Variants in TBX15 observed in about 807,000 individuals in gnomAD.
TBX15 encodes the protein T-box transcription factor 15.
Under a neutral mutation model 53.9 loss-of-function variants are expected in TBX15, and 18 were observed. The observed-to-expected ratio is 0.33, with a 90% CI of 0.23 to 0.49. TBX15 has a LOEUF of 0.49. Ranked by LOEUF, TBX15 falls within the 20% of genes least tolerant of loss-of-function variation. The pLI, the probability that TBX15 is intolerant of heterozygous loss-of-function variation, is 0.98. For missense variants in TBX15, 692 were observed against 749.5 expected, an observed-to-expected ratio of 0.92 and a Z score of 0.90; for synonymous variants, 295 against 278.0, an observed-to-expected ratio of 1.06 and a Z score of -0.61.
At chr1:118,986,044 C>T (rs1464232297) in intron 1 of TBX15, among the ~76,000 whole-genome samples, 3 of 152,222 alleles carry the variant, frequency 2.0e-5, no homozygotes, top group African/African-American at 7.2e-5. Context: ...AGAAAACTTC[C>T]CCGGGACAGG....
chr1:118,933,445 C>G lies in TBX15; in HGVS notation c.206-1613G>C, dbSNP rs574877102. Among the ~76,000 whole-genome samples, 5 of 128,622 alleles carry G rather than the reference C, an allele frequency of 3.9e-5. No homozygotes were observed. The South Asian group carries it at 1.3e-3, about 32-fold the overall frequency. 84.4% of individuals were successfully genotyped at this position (128,622 alleles called of 152,430 possible). A position where few individuals can be genotyped will look rare whatever the true frequency, so the allele number is the denominator to read the frequency against. On this transcript the variant is annotated intron_variant, in intron 1 of 7. Transcript: ENST00000369429. ...TAGTCACTATCTTCATTCTCCCTCC[C>G]CCTCTGCCCCCCACCCACAAAAAAA...
intron 3 of TBX15, 48 bp downstream of exon 3, chr1:118,926,462 T>C: frequency 6.6e-7 from 1 of 1,513,608 alleles, no homozygotes. Flanking sequence ...AGAATTGTCT[T>C]GGAATGCTGG....
In TBX15 at chr1:118,987,878, G is replaced by C; in HGVS notation, c.-83C>G. ...CCCTCAAGCTCTGAGCGCCCACCGG[G>C]CCCGGCCCGGGAGAGGCGGAGGCGC... On this transcript the variant is annotated 5_prime_UTR_variant, in exon 1 of 8. Transcript: ENST00000369429. 6.6e-7 allele frequency: 1 copy of C among 1,509,414 alleles called. No individual in the cohort carries two copies. The highest frequency in any genetic ancestry group is 1.2e-5 in the South Asian group (1 of 81,534). 93.5% of individuals were successfully genotyped at this position (1,509,414 alleles called of 1,614,324 possible). A position where few individuals can be genotyped will look rare whatever the true frequency, so the allele number is the denominator to read the frequency against.
chr1:118,958,231 G>A (rs995067946), intron 1 of TBX15, among the ~76,000 whole-genome samples: 1 of 152,142 alleles, frequency 6.6e-6, no homozygotes, highest in Non-Finnish European at 1.5e-5. Context: ...CCTATAAGAA[G>A]AGGCAGCAGA....
intron 6 of TBX15, among the ~76,000 whole-genome samples, chr1:118,902,494 G>A (rs952801518): frequency 2.0e-5 from 3 of 152,120 alleles, no homozygotes; most frequent in Non-Finnish European, 2.9e-5. Flanking sequence ...CTTTATTGCT[G>A]AGTCATTCTT....
chr1:118,942,210 A>G (rs1404116159), intron 1 of TBX15, among the ~76,000 whole-genome samples: 1 of 152,172 alleles, frequency 6.6e-6, no homozygotes, highest in Non-Finnish European at 1.5e-5. Context: ...GGAAAAGGGA[A>G]TTTTCTGGCA....
chr1:118,902,192 T>C (rs551058566), intron 6 of TBX15, among the ~76,000 whole-genome samples: 1 of 152,278 alleles, frequency 6.6e-6, no homozygotes, highest in East Asian at 1.9e-4. Flanking sequence ...TGTATTGCTT[T>C]TTAGAAAAAT....
At chr1:118,986,997 TAC>T (rs1657862285) in intron 1 of TBX15, among the ~76,000 whole-genome samples, 2 of 152,310 alleles carry the variant, frequency 1.3e-5, no homozygotes, top group South Asian at 4.1e-4. Flanking sequence ...ACACCCTAAA[TAC>T]ACAGAGATGT....
chr1:118,938,537 G>A (rs1656039474), intron 1 of TBX15, among the ~76,000 whole-genome samples: 2 of 152,204 alleles, frequency 1.3e-5, no homozygotes, highest in African/African-American at 4.8e-5. Context: ...TGCCATTAAA[G>A]TTTCAACCTC....
At chr1:118,979,099 C>T (rs1311953039) in intron 1 of TBX15, among the ~76,000 whole-genome samples, 1 of 152,184 alleles carries the variant, frequency 6.6e-6, no homozygotes, top group African/African-American at 2.4e-5. Context: ...CAGGACTTCC[C>T]TCCAAAGGGA....
At chr1:118,955,347 A>AAACT (rs1320406076) in intron 1 of TBX15, among the ~76,000 whole-genome samples, 22 of 152,218 alleles carry the variant, frequency 1.4e-4, no homozygotes, top group Non-Finnish European at 5.9e-5. Flanking sequence ...TTATAAGATT[A>AAACT]AACTAACACA....
chr1:118,951,510 C>T (rs4659132), intron 1 of TBX15, among the ~76,000 whole-genome samples: 2 of 151,976 alleles, frequency 1.3e-5, no homozygotes, highest in African/African-American at 2.4e-5. Flanking sequence ...TATGTGGAGA[C>T]CCAGAACCCT....
chr1:118,923,363 A>G (rs1655488257), intron 5 of TBX15, 73 bp downstream of exon 5: 1 of 1,584,708 alleles, frequency 6.3e-7, no homozygotes. Flanking sequence ...GAAAGTAAAT[A>G]ATACCTAAGG....
In TBX15 at chr1:118,925,908, C is replaced by CT. The variant is rs5777376; in HGVS notation, c.521+601dup. Reference sequence around the variant, plus strand: ...CCTCAAGAGAAGAAATAAGCCACAACTTTTTTTTTTTCTGGCAAGAACTAT... The same window carrying CT: ...CCTCAAGAGAAGAAATAAGCCACAACTTTTTTTTTTTTCTGGCAAGAACTAT... On this transcript the variant is annotated intron_variant, in intron 3 of 7. Coordinates refer to ENST00000369429, the MANE Select transcript of TBX15 (RefSeq NM_001330677.2). 3.4e-3 allele frequency among the ~76,000 whole-genome samples: 508 copies of CT among 150,702 alleles called. 5 individuals carry two copies. Among genetic ancestry groups the CT allele is most frequent in the African/African-American group, 0.011 (469 of 41,108 alleles).
Position 118,923,527 on chromosome 1 carries a change from G to T in TBX15, c.770C>A (p.Pro257His), listed in dbSNP as rs753340888. Residue 257 changes from proline (P) to histidine (H), a missense_variant, in exon 5 of 8, where the codon CCC becomes CAC. This residue lies in a region of TBX15 where 307 missense variants were observed against 347.5 expected (regional missense o/e 0.88). Transcript: ENST00000369429. ...IRKDFSSDLS[P>H]TKPVPVGDGV... ...ATCCCCAACAGGAACAGGCTTAGTGGGTGAAAGGTCACTGCTGAAGTCTTT... is the reference window on the plus strand; with the variant it reads ...ATCCCCAACAGGAACAGGCTTAGTGTGTGAAAGGTCACTGCTGAAGTCTTT... 1 of 1,613,976 alleles carries T rather than the reference G, an allele frequency of 6.2e-7. No individual in the cohort carries two copies.
rs531162949 is a variant in TBX15, at chr1:118,925,661, C to T, written c.522-844G>A. 1.5e-3 allele frequency among the ~76,000 whole-genome samples: 231 copies of T among 152,264 alleles called. 3 individuals carry two copies. In the South Asian group the frequency reaches 0.016, roughly 11 times the overall value. On this transcript the variant is annotated intron_variant, in intron 3 of 7. Transcript: ENST00000369429. ...ACCCTGAGAAATAGAGGCACCCAGT[C>T]CAAATCACAACTCCCAAGATCCCCT...
chr1:118,934,347 C>CG (rs1319062779), intron 1 of TBX15, among the ~76,000 whole-genome samples: 1 of 151,994 alleles, frequency 6.6e-6, no homozygotes, highest in Non-Finnish European at 1.5e-5. Context: ...GGGAAAAGAC[C>CG]GGGGGCTCAG....
At chr1:118,935,736 C>G (rs1165171637) in intron 1 of TBX15, among the ~76,000 whole-genome samples, 8 of 152,176 alleles carry the variant, frequency 5.3e-5, no homozygotes, top group African/African-American at 1.9e-4. Flanking sequence ...TGCTGTAACA[C>G]TAAGTTCCCA....
chr1:118,884,800 T>C lies in TBX15; in HGVS notation c.1741A>G (p.Thr581Ala). Residue 581 changes from threonine to alanine, a missense_variant, in exon 8 of 8, where the codon ACT becomes GCT. This residue lies in a region of TBX15 where 375 missense variants were observed against 371.6 expected (regional missense o/e 1.01). Transcript: ENST00000369429. ...PSPNNQQATNTCDGRQYGAVP... is the reference protein window; with the variant it reads ...PSPNNQQATNACDGRQYGAVP... ...GCCCCATACTGCCGGCCATCACAAG[T>C]GTTGGTTGCCTGTTGGTTATTGGGT... 1 of 1,613,930 alleles carries C rather than the reference T, an allele frequency of 6.2e-7. No individual in the cohort carries two copies. The highest frequency in any genetic ancestry group is 8.5e-7 in the Non-Finnish European group (1 of 1,179,952).
Sources: gnomAD v4.1 joint callset for allele counts (sites outside exome capture counted in the v4.1 genomes callset) on GRCh38, gnomAD v4.1.1 for gene constraint, gnomAD v4.1.1 regional missense constraint, MANE v1.5 for transcripts, NCBI Gene and HGNC (gene_info 2026-07-23, HGNC 2026-07-21) for gene names.